Variants in XKR6 observed in about 807,000 individuals in gnomAD.
XKR6 encodes the protein XK related 6, also known as XK-related protein 6.
XKR6 carries 22 observed loss-of-function variants against 56.7 expected under a neutral mutation model. The ratio of observed to expected loss-of-function variants is 0.39; its 90% CI spans 0.28 to 0.55. XKR6 has a LOEUF of 0.55. Ranked by LOEUF, XKR6 falls within the 20% of genes least tolerant of loss-of-function variation. The pLI is 0.66. For synonymous variants in XKR6, 524 were observed against 387.8 expected (o/e 1.35, Z -4.13); for missense variants, 852 against 889.0 (o/e 0.96, Z 0.53).
Position 11,200,845 on chromosome 8 carries a change from G to C in XKR6, c.495C>G (p.Thr165=), listed in dbSNP as rs575739083. 1 of 1,612,042 alleles carries C rather than the reference G, an allele frequency of 6.2e-7. No homozygotes were observed. The highest frequency in any genetic ancestry group is 2.2e-5 in the East Asian group (1 of 44,776). Reference sequence around the variant, plus strand: ...GCGACGGCACCAGCACGAAGAAGAGGGTCAGCCCGAAGTAGACGTAGTCCC... The same window carrying C: ...GCGACGGCACCAGCACGAAGAAGAGCGTCAGCCCGAAGTAGACGTAGTCCC... ...RKGDYVYFGL[T]LFFVLVPSLL... Residue 165 remains threonine (T), a synonymous_variant, in exon 1 of 3, where the codon ACC becomes ACG. Transcript: ENST00000416569. This position sits in a 1 kb window ranked among gnomAD's most constrained non-coding sequence, Gnocchi z 6.4.
intron 2 of XKR6, among the ~76,000 whole-genome samples, chr8:10,904,966 T>C (rs977792815): frequency 2.0e-5 from 3 of 152,176 alleles, no homozygotes; most frequent in Admixed American, 2.0e-4. Flanking sequence ...CACTTGATGA[T>C]GAGGGACCTA....
Position 11,195,137 on chromosome 8 carries a change from G to A in XKR6, c.764+5439C>T, listed in dbSNP as rs747589041. The A allele has an allele frequency of 1.0e-5, 7 of 703,116 alleles. No individual in the cohort carries two copies. The Admixed American group carries it at 1.0e-4, about 10-fold the overall frequency. 43.6% of individuals were successfully genotyped at this position (703,116 alleles called of 1,614,324 possible). A position where few individuals can be genotyped will look rare whatever the true frequency, so the allele number is the denominator to read the frequency against. Reference sequence around the variant, plus strand: ...TCTGGATTTTTCAGATGGGAGGAGGGAGAAGGGAAGAAACCAGGTGAGGCA... The same window carrying A: ...TCTGGATTTTTCAGATGGGAGGAGGAAGAAGGGAAGAAACCAGGTGAGGCA... On this transcript the variant is annotated intron_variant, in intron 1 of 2. Coordinates refer to ENST00000416569, the MANE Select transcript of XKR6 (RefSeq NM_173683.4).
At chr8:11,070,325 T>C (rs1800083864) in intron 1 of XKR6, among the ~76,000 whole-genome samples, 1 of 152,206 alleles carries the variant, frequency 6.6e-6, no homozygotes, top group African/African-American at 2.4e-5. Flanking sequence ...GCTGGGTTTG[T>C]AGCAGTACAC....
At chr8:11,091,467 A>AT (rs1401730249) in intron 1 of XKR6, among the ~76,000 whole-genome samples, 32 of 152,156 alleles carry the variant, frequency 2.1e-4, no homozygotes, top group African/African-American at 7.2e-4. Flanking sequence ...AGATAGATAG[A>AT]TAAAAAGATA....
chr8:11,184,890 C>T (rs1208745688), intron 1 of XKR6, among the ~76,000 whole-genome samples: 5 of 152,118 alleles, frequency 3.3e-5, no homozygotes, highest in Admixed American at 3.3e-4. Context: ...ACACACAAAC[C>T]AAATAGAATT....
At chr8:11,007,083 C>T (rs1798386913) in intron 1 of XKR6, among the ~76,000 whole-genome samples, 1 of 152,084 alleles carries the variant, frequency 6.6e-6, no homozygotes, top group Non-Finnish European at 1.5e-5. Context: ...GAAAGAGCTG[C>T]TACAAAAAAA....
At chr8:11,191,842 A>C (rs1448979821) in intron 1 of XKR6, among the ~76,000 whole-genome samples, 1 of 152,168 alleles carries the variant, frequency 6.6e-6, no homozygotes, top group East Asian at 1.9e-4. Flanking sequence ...CTGAGTACAA[A>C]ACAGCTATTA....
At chr8:11,011,244 T>C (rs1798492536) in intron 1 of XKR6, among the ~76,000 whole-genome samples, 1 of 152,112 alleles carries the variant, frequency 6.6e-6, no homozygotes, top group Admixed American at 6.5e-5. Flanking sequence ...AACAATACAG[T>C]GACATCAGTG....
At chr8:10,961,380 T>C (rs1363898110) in intron 1 of XKR6, among the ~76,000 whole-genome samples, 1 of 152,120 alleles carries the variant, frequency 6.6e-6, no homozygotes, top group Admixed American at 6.5e-5. Flanking sequence ...CCAGAGACAC[T>C]GACAACGCTG....
At chr8:11,066,391 T>G (rs1278112259) in intron 1 of XKR6, among the ~76,000 whole-genome samples, 1 of 152,246 alleles carries the variant, frequency 6.6e-6, no homozygotes, top group African/African-American at 2.4e-5. Context: ...TGTCTGTTCT[T>G]GATTTTGGAC....
chr8:10,948,735 C>T (rs2129126218), intron 1 of XKR6, among the ~76,000 whole-genome samples: 1 of 152,336 alleles, frequency 6.6e-6, no homozygotes, highest in African/African-American at 2.4e-5. Context: ...CACTCCCACC[C>T]CGGCGTGTAG....
chr8:11,196,777 C>A (rs1360992733), intron 1 of XKR6, among the ~76,000 whole-genome samples: 1 of 152,246 alleles, frequency 6.6e-6, no homozygotes, highest in African/African-American at 2.4e-5. Flanking sequence ...CCAGCAGTGC[C>A]TCGGCCTTTC....
At chr8:11,167,130 C>T (rs753977408) in intron 1 of XKR6, among the ~76,000 whole-genome samples, 2 of 152,094 alleles carry the variant, frequency 1.3e-5, no homozygotes, top group Non-Finnish European at 2.9e-5. Flanking sequence ...ATTCCAAGTG[C>T]CCATACACCT....
rs1485840129 is a variant in XKR6, at chr8:11,197,825, C to A, written c.764+2751G>T. 3.3e-5 allele frequency among the ~76,000 whole-genome samples: 5 copies of A among 152,196 alleles called. No homozygotes were observed. In the East Asian group the frequency reaches 7.7e-4, roughly 23 times the overall value. ...AGGAATGGCAAGATGCAGAGAAGTG[C>A]CCCACTTTAATATCGAGGGAAACTA... On this transcript the variant is annotated intron_variant, in intron 1 of 2. Transcript: ENST00000416569.
chr8:11,037,652 G>A (rs1056428476), intron 1 of XKR6, among the ~76,000 whole-genome samples: 5 of 152,336 alleles, frequency 3.3e-5, no homozygotes, highest in Admixed American at 2.0e-4. Flanking sequence ...GAGGTCAAGA[G>A]ATCGAGACCA....
chr8:10,936,108 G>C (rs1351804685), intron 1 of XKR6, among the ~76,000 whole-genome samples: 6 of 149,898 alleles, frequency 4.0e-5, no homozygotes, highest in Non-Finnish European at 9.0e-5. Context: ...TATATATTTA[G>C]GATAGTTAGC....
intron 1 of XKR6, among the ~76,000 whole-genome samples, chr8:11,029,563 G>C (rs889294300): frequency 1.3e-5 from 2 of 152,086 alleles, no homozygotes; most frequent in Admixed American, 6.5e-5. Context: ...CAAGAACTCG[G>C]GCATGGTTGG....
At chr8:11,172,747 A>T (rs762232733) in intron 1 of XKR6, among the ~76,000 whole-genome samples, 5 of 152,110 alleles carry the variant, frequency 3.3e-5, no homozygotes, top group Non-Finnish European at 7.4e-5. Flanking sequence ...CCTTTACTCC[A>T]TGGTTTTCTC....
intron 1 of XKR6, among the ~76,000 whole-genome samples, chr8:11,047,291 C>G (rs1042289045): frequency 3.9e-5 from 6 of 152,110 alleles, no homozygotes; most frequent in African/African-American, 1.2e-4. Context: ...TCAACTACAC[C>G]TCAATAAAGC....
Sources: allele counts gnomAD v4.1 joint callset (sites outside exome capture counted in the v4.1 genomes callset), GRCh38; gene constraint gnomAD v4.1.1; non-coding constraint Gnocchi (gnomAD v3.1); transcripts MANE v1.5; gene names NCBI Gene and HGNC (gene_info 2026-07-23, HGNC 2026-07-21).